CD34: variants seen among roughly 807,000 people sequenced by gnomAD.
CD34 encodes the protein CD34 molecule, also known as hematopoietic progenitor cell antigen CD34.
CD34 carries 34 observed loss-of-function variants against 40.1 expected under a neutral mutation model. The ratio of observed to expected loss-of-function variants is 0.85; its 90% confidence interval spans 0.65 to 1.13. The LOEUF (loss-of-function observed/expected upper bound fraction) is 1.13. CD34 is among the 50% of genes most tolerant of loss of function. The probability of loss-of-function intolerance (pLI) is 0.00; values close to 1 mark genes in which losing one functional copy is unlikely to be tolerated. For synonymous variants in CD34, 209 were observed against 190.0 expected (o/e 1.10, Z -0.82); for missense variants, 426 against 466.9 (o/e 0.91, Z 0.81).
chr1:207,889,573 C>G lies in CD34; in HGVS notation c.646G>C (p.Gly216Arg). 1 of 1,614,204 alleles carries G rather than the reference C, an allele frequency of 6.2e-7. No homozygotes were observed. Among genetic ancestry groups the G allele is most frequent in the Non-Finnish European group, 8.5e-7 (1 of 1,180,026 alleles). Residue 216 changes from glycine to arginine, a missense_variant, in exon 5 of 8, where the codon GGG becomes CGG. Transcript: ENST00000310833. ...RGEGLARVLCGEEQADADAGA... is the reference protein window; with the variant it reads ...RGEGLARVLCREEQADADAGA... Reference sequence around the variant, plus strand: ...GCATCAGCATCAGCCTGCTCCTCCCCACACAGCACTCGGGCCAGGCCCTCT... The same window carrying G: ...GCATCAGCATCAGCCTGCTCCTCCCGACACAGCACTCGGGCCAGGCCCTCT...
At chr1:207,889,898 G>A in intron 4 of CD34, 1 of 1,527,628 alleles carries the variant, frequency 6.5e-7, no homozygotes, top group South Asian at 1.3e-5. Flanking sequence ...TTGAAGCATT[G>A]CCCATGTACA....
chr1:207,910,220 A>C (rs904430097), intron 1 of CD34, among the ~76,000 whole-genome samples: 6 of 152,102 alleles, frequency 3.9e-5, no homozygotes, highest in Non-Finnish European at 8.8e-5. Context: ...TAGCTTTAGA[A>C]CTTGGAGCAG....
At chr1:207,889,119 C>T (rs200020853) in intron 6 of CD34, 42 bp downstream of exon 6, 88 of 1,232,350 alleles carry the variant, frequency 7.1e-5, no homozygotes, top group Non-Finnish European at 9.9e-5. Context: ...AGCCCCCCTG[C>T]CCCGGCATTC....
chr1:207,897,751 G>A lies in CD34; in HGVS notation c.517-178C>T, dbSNP rs143717393. On this transcript the variant is annotated intron_variant, in intron 3 of 7. Coordinates refer to ENST00000310833, the MANE Select transcript of CD34 (RefSeq NM_001025109.2). Reference sequence around the variant, plus strand: ...AGAGATTTCTAATAGTCATACTCTCGTCTATTTCATATCTATCCTCATCAG... The same window carrying A: ...AGAGATTTCTAATAGTCATACTCTCATCTATTTCATATCTATCCTCATCAG... Among the ~76,000 whole-genome samples the A allele has an allele frequency of 2.0e-4, 31 of 152,250 alleles. No individual in the cohort carries two copies. In the East Asian group the frequency reaches 4.6e-3, roughly 23 times the overall value.
intron 1 of CD34, among the ~76,000 whole-genome samples, chr1:207,908,265 G>A (rs1662426080): frequency 6.6e-6 from 1 of 152,230 alleles, no homozygotes; most frequent in Non-Finnish European, 1.5e-5. Flanking sequence ...AAGAAAAAGA[G>A]GCCCCAGGCC....
intron 1 of CD34, among the ~76,000 whole-genome samples, chr1:207,909,344 T>C (rs1266198970): frequency 6.6e-6 from 1 of 152,088 alleles, no homozygotes; most frequent in East Asian, 1.9e-4. Flanking sequence ...CAAAGGAGAA[T>C]GGAGCATCTG....
In CD34 at chr1:207,882,308, C is replaced by A. The variant is rs1661824294; in HGVS notation, c.*5430G>T. ...GAGGTACCCCCTTCACCCCATCCCACCTCTCTGCCCTGAAGGTGTCAACAG... is the reference window on the plus strand; with the variant it reads ...GAGGTACCCCCTTCACCCCATCCCAACTCTCTGCCCTGAAGGTGTCAACAG... On this transcript the variant is annotated 3_prime_UTR_variant, in exon 8 of 8. Transcript: ENST00000310833. The A allele has an allele frequency of 6.6e-6, 1 of 152,274 alleles. No homozygotes were observed. Among genetic ancestry groups the A allele is most frequent in the African/African-American group, 2.4e-5 (1 of 41,468 alleles). The allele number at this position is 152,274 out of a possible 1,614,324, so 9.4% of individuals were successfully genotyped here.
At chr1:207,890,412 A>C (rs2102296232) in intron 4 of CD34, 1 of 188,816 alleles carries the variant, frequency 5.3e-6, no homozygotes, top group South Asian at 1.8e-4. Context: ...CAGAGAAGGA[A>C]ATGCCTGAAC....
chr1:207,893,686 T>A (rs1662081329), intron 4 of CD34, among the ~76,000 whole-genome samples: 1 of 152,188 alleles, frequency 6.6e-6, no homozygotes, highest in Non-Finnish European at 1.5e-5. Context: ...TAAAGTGAGC[T>A]AGCTGAGTAA....
At chr1:207,891,044 G>A (rs1362841275) in intron 4 of CD34, among the ~76,000 whole-genome samples, 2 of 152,138 alleles carry the variant, frequency 1.3e-5, no homozygotes, top group African/African-American at 4.8e-5. Flanking sequence ...CCAGCACCGA[G>A]AGTCTGGATG....
At chr1:207,888,094 T>G (rs1419597439) in intron 7 of CD34, 171 bp from the exon 8 acceptor site, 1 of 1,613,824 alleles carries the variant, frequency 6.2e-7, no homozygotes, top group Non-Finnish European at 8.5e-7. Context: ...CCTTTCTTCC[T>G]GAAGAGTGGT....
intron 1 of CD34, among the ~76,000 whole-genome samples, chr1:207,905,072 T>C (rs1450272131): frequency 6.6e-6 from 1 of 152,218 alleles, no homozygotes. Context: ...CTATGGCCAG[T>C]GAACCTAACC....
chr1:207,889,901 C>T, intron 4 of CD34: 1 of 1,521,358 alleles, frequency 6.6e-7, no homozygotes, highest in Non-Finnish European at 8.7e-7. Context: ...AAGCATTGCC[C>T]ATGTACACAT....
rs549912586 is a variant in CD34, at chr1:207,909,624, G to T, written c.79+1378C>A. Among the ~76,000 whole-genome samples the T allele has an allele frequency of 1.2e-3, 177 of 152,230 alleles. 1 individual carries two copies. The highest frequency in any genetic ancestry group is 4.1e-3 in the African/African-American group (172 of 41,554). On this transcript the variant is annotated intron_variant, in intron 1 of 7. Coordinates refer to ENST00000310833, the MANE Select transcript of CD34 (RefSeq NM_001025109.2). ...GGGTTTCACCATGTTGGCCAGGATG[G>T]TCTCGATCTCTTGACCTCATGATCT...
intron 4 of CD34, among the ~76,000 whole-genome samples, chr1:207,896,981 A>G (rs143582728): frequency 6.6e-6 from 1 of 152,198 alleles, no homozygotes; most frequent in Non-Finnish European, 1.5e-5. Context: ...GAGTCATTCA[A>G]CAAATAATGT....
At chr1:207,889,972 C>G (rs1242215333) in intron 4 of CD34, 5 of 1,452,892 alleles carry the variant, frequency 3.4e-6, no homozygotes, top group Non-Finnish European at 4.5e-6. Flanking sequence ...GCAATAATAA[C>G]TAAGAGAAAA....
chr1:207,906,153 A>G (rs1662376695), intron 1 of CD34, among the ~76,000 whole-genome samples: 1 of 152,220 alleles, frequency 6.6e-6, no homozygotes, highest in South Asian at 2.1e-4. Flanking sequence ...GGGGCCCACT[A>G]GAAACATCTT....
At chr1:207,900,990 T>C (rs1467401316) in intron 1 of CD34, among the ~76,000 whole-genome samples, 1 of 136,614 alleles carries the variant, frequency 7.3e-6, no homozygotes, top group African/African-American at 2.6e-5. Flanking sequence ...TATCCTGGGA[T>C]ACATACTTTT....
intron 1 of CD34, among the ~76,000 whole-genome samples, chr1:207,909,086 G>A (rs1261664254): frequency 2.0e-5 from 3 of 152,146 alleles, no homozygotes; most frequent in Non-Finnish European, 4.4e-5. Context: ...AAAGCTCTTG[G>A]GAAGGGCATA....
Sources: allele counts gnomAD v4.1 joint callset (sites outside exome capture counted in the v4.1 genomes callset), GRCh38; gene constraint gnomAD v4.1.1; transcripts MANE v1.5; gene names NCBI Gene and HGNC (gene_info 2026-07-23, HGNC 2026-07-21).